FAM83C: variants seen among roughly 807,000 people sequenced by gnomAD.
FAM83C encodes the protein protein FAM83C.
Under a neutral mutation model 27.1 loss-of-function variants are expected in FAM83C, and 23 were observed. That is an observed-to-expected ratio of 0.85 (90% CI 0.61 to 1.20). FAM83C has a LOEUF of 1.20. FAM83C is among the 50% of genes most tolerant of loss of function. The pLI, the probability that FAM83C is intolerant of heterozygous loss-of-function variation, is 0.00. For missense variants in FAM83C, 984 were observed against 1,001.3 expected (o/e 0.98, Z 0.23); for synonymous variants, 426 against 423.1 (o/e 1.01, Z -0.09).
chr20:35,287,822 G>A lies in FAM83C; in HGVS notation c.957C>T (p.Pro319=), dbSNP rs147744239. ...CCACAGGGGGAGGACGCAGTGCCCG[G>A]GGAGACAGCGGGTCCTCACCGCCAC... ...GFCGGEDPLS[P]RALRPPPVAL... Residue 319 remains proline, a synonymous_variant, in exon 4 of 4, where the codon CCC becomes CCT. Transcript: ENST00000374408. The A allele has an allele frequency of 3.6e-5, 57 of 1,576,984 alleles. No individual in the cohort carries two copies. In the African/African-American group the frequency reaches 7.1e-4, roughly 20 times the overall value.
chr20:35,286,357 G>C lies in FAM83C; in HGVS notation c.*178C>G. 1 of 458,224 alleles carries C rather than the reference G, an allele frequency of 2.2e-6. No individual in the cohort carries two copies. 28.4% of individuals were successfully genotyped at this position (458,224 alleles called of 1,614,324 possible). A position where few individuals can be genotyped will look rare whatever the true frequency, so the allele number is the denominator to read the frequency against. On this transcript the variant is annotated 3_prime_UTR_variant, in exon 4 of 4. Coordinates refer to ENST00000374408, the MANE Select transcript of FAM83C (RefSeq NM_178468.6). ...GATTCAAGAAGATACTAGTTAGGGT[G>C]TGTGTGTGTGTGTGTGTGTGTGTGT...
rs371052358 is a variant in FAM83C at position 35,286,522 on chromosome 20, G to C, written c.*13C>G. Reference sequence around the variant, plus strand: ...CTGCCCTTGCCAGTGCACCCCCGATGCCAGTCCTTTGGCTAGGACTCAAAG... The same window carrying C: ...CTGCCCTTGCCAGTGCACCCCCGATCCCAGTCCTTTGGCTAGGACTCAAAG... On this transcript the variant is annotated 3_prime_UTR_variant, in exon 4 of 4. Transcript: ENST00000374408. 6.3e-6 allele frequency: 10 copies of C among 1,592,488 alleles called. No individual in the cohort carries two copies. In the African/African-American group the frequency reaches 1.3e-4, roughly 21 times the overall value.
In FAM83C at chr20:35,287,475, C is replaced by A; in HGVS notation, c.1304G>T (p.Ser435Ile). ...TGACCCCACTGCCAAGGTTAAGGGG[C>A]TGGTACTATTATGGTTGAGGGCAGG... ...SSPALNHNST[S>I]PLTLAVGSPL... Residue 435 changes from serine to isoleucine, a missense_variant, in exon 4 of 4, where the codon AGC (serine) becomes ATC (isoleucine). Physicochemically the swap from Ser to Ile is moderately radical, Grantham distance 142 (BLOSUM62 -2). Transcript: ENST00000374408. The A allele has an allele frequency of 6.2e-7, 1 of 1,614,200 alleles. No homozygotes were observed. Among genetic ancestry groups the A allele is most frequent in the Non-Finnish European group, 8.5e-7 (1 of 1,180,016 alleles).
rs779420564 is a variant in FAM83C at position 35,287,768 on chromosome 20, G to T, written c.1011C>A (p.Ser337Arg). 2.5e-6 allele frequency: 4 copies of T among 1,612,394 alleles called. No homozygotes were observed. In the East Asian group the frequency reaches 6.7e-5, roughly 27 times the overall value. The change falls in exon 4 of 4, where the codon AGC becomes AGA. Residue 337 changes from serine (S) to arginine (R), a missense_variant. Transcript: ENST00000374408. ...TGCTGGAGGGCAGGGACGACGTGGG[G>T]CTTGGGACATCAGGCCTGAAGGCTA... ...VALAFRPDVP[S>R]PTSSLPSSTS...
Position 35,291,819 on chromosome 20 carries a change from C to A in FAM83C, c.486G>T (p.Leu162=), listed in dbSNP as rs1600833767. ...TGTGGGCCTGGCTGAAAAGGAAGCGCAGCAGGTCCTTGATGTTCTTGGCCT... is the reference window on the plus strand; with the variant it reads ...TGTGGGCCTGGCTGAAAAGGAAGCGAAGCAGGTCCTTGATGTTCTTGGCCT... ...RDKAKNIKDL[L]RFLFSQAHTV... is the part of the protein sequence containing the mutation. Residue 162 remains leucine (L), a synonymous_variant, in exon 1 of 4, where the codon CTG becomes CTT. Transcript: ENST00000374408. The A allele has an allele frequency of 6.2e-7, 1 of 1,614,036 alleles. No homozygotes were observed. The highest frequency in any genetic ancestry group is 1.7e-5 in the Admixed American group (1 of 60,002).
chr20:35,291,843 C>T lies in FAM83C; in HGVS notation c.462G>A (p.Lys154=). 6.2e-7 allele frequency: 1 copy of T among 1,614,200 alleles called. No homozygotes were observed. Among genetic ancestry groups the T allele is most frequent in the South Asian group, 1.1e-5 (1 of 91,082 alleles). The change falls in exon 1 of 4, where the codon AAG becomes AAA. Residue 154 remains lysine (K), a synonymous_variant. Coordinates refer to ENST00000374408, the MANE Select transcript of FAM83C (RefSeq NM_178468.6). ...TQAVVHFQRD[K]AKNIKDLLRF... ...GCAGCAGGTCCTTGATGTTCTTGGC[C>T]TTGTCCCTCTGGAAGTGGACCACAG...
In FAM83C at chr20:35,286,829, C is replaced by T. The variant is rs2060827954; in HGVS notation, c.1950G>A (p.Gly650=). Residue 650 remains glycine, a synonymous_variant, in exon 4 of 4, where the codon GGG becomes GGA. Transcript: ENST00000374408. ...GGCTTGATATCGGGAGACCATTGGGCCCAGGCCCCTCACCACGGAATGGGC... is the reference window on the plus strand; with the variant it reads ...GGCTTGATATCGGGAGACCATTGGGTCCAGGCCCCTCACCACGGAATGGGC... The part of the protein sequence containing the change: ...KFGPFRGEGP[G]PNGLPISSPA... 6.2e-7 allele frequency: 1 copy of T among 1,613,720 alleles called. No homozygotes were observed. The highest frequency in any genetic ancestry group is 8.5e-7 in the Non-Finnish European group (1 of 1,179,940).
Position 35,291,996 on chromosome 20 carries a change from G to C in FAM83C, c.309C>G (p.Asp103Glu). 2 of 1,613,522 alleles carry C rather than the reference G, an allele frequency of 1.2e-6. No homozygotes were observed. The highest frequency in any genetic ancestry group is 1.7e-6 in the Non-Finnish European group (2 of 1,179,736). The part of the protein sequence containing the change: ...EAQGQEASGP[D>E]RLSLLSEVTS... ...TGACTTCAGAGAGCAGGCTGAGGCG[G>C]TCTGGCCCGGAGGCCTCCTGCCCCT... Residue 103 changes from aspartate (D) to glutamate (E), a missense_variant, in exon 1 of 4, where the codon GAC becomes GAG. Physicochemically the swap from Asp to Glu is conservative, Grantham distance 45. Transcript: ENST00000374408.
Position 35,286,975 on chromosome 20 carries a change from TG to T in FAM83C, c.1803del (p.Lys602ArgfsTer72). On this transcript the variant is annotated frameshift_variant, in exon 4 of 4. Transcript: ENST00000374408. LOFTEE classifies it high-confidence loss of function. Reference protein sequence around the residue: ...RGQSDLLMQYPKAQGSRVPLE... With the variant: ...RGQSDLLMQYXKAQGSRVPLE... The stretch of plus-strand genomic sequence containing the variant: ...AGGGGCACTCTGGAACCCTGGGCCT[TG>T]GGGTACTGCATCAGGAGGTCTGATT... The T allele has an allele frequency of 1.2e-6, 2 of 1,612,766 alleles. No homozygotes were observed. The highest frequency in any genetic ancestry group is 8.5e-7 in the Non-Finnish European group (1 of 1,180,038).
Position 35,286,168 on chromosome 20 carries a change from T to C in FAM83C, c.*367A>G. The stretch of plus-strand genomic sequence containing the variant: ...GACTACTCCACCTTCTCCAGGACTC[T>C]CTGCCCTTTGTTTTCTAACACCCTC... On this transcript the variant is annotated 3_prime_UTR_variant, in exon 4 of 4. Transcript: ENST00000374408. 5.1e-6 allele frequency: 1 copy of C among 196,364 alleles called. No homozygotes were observed. The allele number at this position is 196,364 out of a possible 1,614,324, so 12.2% of individuals were successfully genotyped here.
At chr20:35,291,333 G>C (rs1212836719) in intron 1 of FAM83C, among the ~76,000 whole-genome samples, 2 of 152,204 alleles carry the variant, frequency 1.3e-5, no homozygotes, top group Non-Finnish European at 2.9e-5. Context: ...TCACCATATG[G>C]ACCTCCCTGG....
At chr20:35,289,631 C>T (rs957181952) in intron 1 of FAM83C, among the ~76,000 whole-genome samples, 1 of 151,918 alleles carries the variant, frequency 6.6e-6, no homozygotes, top group Non-Finnish European at 1.5e-5. Flanking sequence ...GCCACCACGC[C>T]CAGTCGCTAG....
Position 35,286,385 on chromosome 20 carries a change from G to GTGTGTGTGTGTGTGTGTGTGTGTA in FAM83C, c.*149_*150insTACACACACACACACACACACACA, listed in dbSNP as rs112597282. Reference sequence around the variant, plus strand: ...TGTGTGTGTGTGTGTGTGTGTGTGTGTACACAAGAATCTTGAGCCCAGAGA... The same window carrying GTGTGTGTGTGTGTGTGTGTGTGTA: ...TGTGTGTGTGTGTGTGTGTGTGTGTGTGTGTGTGTGTGTGTGTGTGTGTATACACAAGAATCTTGAGCCCAGAGA... On this transcript the variant is annotated 3_prime_UTR_variant, in exon 4 of 4. Coordinates refer to ENST00000374408, the MANE Select transcript of FAM83C (RefSeq NM_178468.6). 8 of 556,896 alleles carry GTGTGTGTGTGTGTGTGTGTGTGTA rather than the reference G, an allele frequency of 1.4e-5. No individual in the cohort carries two copies. The African/African-American group carries it at 1.6e-4, about 11-fold the overall frequency. The allele number at this position is 556,896 out of a possible 1,614,324, so 34.5% of individuals were successfully genotyped here. A position where few individuals can be genotyped will look rare whatever the true frequency, so the allele number is the denominator to read the frequency against.
chr20:35,292,331 C>T lies in FAM83C; in HGVS notation c.-27G>A, dbSNP rs1289951166. Reference sequence around the variant, plus strand: ...CCTGCCACGCGGCTGCCTCACCCGCCGGCAGGGCCCATGGCCCGCACGCTG... The same window carrying T: ...CCTGCCACGCGGCTGCCTCACCCGCTGGCAGGGCCCATGGCCCGCACGCTG... On this transcript the variant is annotated 5_prime_UTR_variant, in exon 1 of 4. Transcript: ENST00000374408. 4 of 1,460,838 alleles carry T rather than the reference C, an allele frequency of 2.7e-6. No individual in the cohort carries two copies. The highest frequency in any genetic ancestry group is 2.5e-5 in the East Asian group (1 of 40,152). 90.5% of individuals were successfully genotyped at this position (1,460,838 alleles called of 1,614,324 possible). A position where few individuals can be genotyped will look rare whatever the true frequency, so the allele number is the denominator to read the frequency against.
chr20:35,291,793 G>T lies in FAM83C; in HGVS notation c.512C>A (p.Thr171Lys). 6.2e-7 allele frequency: 1 copy of T among 1,613,966 alleles called. No homozygotes were observed. The highest frequency in any genetic ancestry group is 1.1e-5 in the South Asian group (1 of 91,080). Reference sequence around the variant, plus strand: ...GTGATGGAGAGATGAGGCCCTTACCGTGTGGGCCTGGCTGAAAAGGAAGCG... The same window carrying T: ...GTGATGGAGAGATGAGGCCCTTACCTTGTGGGCCTGGCTGAAAAGGAAGCG... ...LLRFLFSQAH[T>K]VVAVVMDIFT... Residue 171 changes from threonine (T) to lysine (K), a missense_variant and splice_region_variant, in exon 1 of 4, where the codon ACG becomes AAG. Transcript: ENST00000374408.
At chr20:35,289,443 C>T (rs555842136) in intron 1 of FAM83C, among the ~76,000 whole-genome samples, 6 of 151,712 alleles carry the variant, frequency 4.0e-5, no homozygotes, top group Middle Eastern at 3.4e-3. Context: ...TGGGTTCAAG[C>T]GATTCTCGTG....
At chr20:35,288,732 C>A (rs2060837787) in intron 2 of FAM83C, 59 bp downstream of exon 2, 3 of 1,554,690 alleles carry the variant, frequency 1.9e-6, no homozygotes, top group Middle Eastern at 3.5e-4. Flanking sequence ...CCACTGGCTC[C>A]CCTGCCCTCC....
Position 35,287,089 on chromosome 20 carries a change from T to G in FAM83C, c.1690A>C (p.Thr564Pro), listed in dbSNP as rs201723133. Residue 564 changes from threonine (T) to proline (P), a missense_variant, in exon 4 of 4, where the codon ACT becomes CCT. Thr to Pro is a conservative substitution (Grantham distance 38). Transcript: ENST00000374408. ...QLDLLSRALG[T>P]GGAPELGSLR... ...GAACCCAACTCAGGGGCACCCCCAG[T>G]ACCCAGGGCTCGGGACAGGAGATCC... The G allele has an allele frequency of 2.5e-5, 40 of 1,604,964 alleles. No homozygotes were observed. In the East Asian group the frequency reaches 8.5e-4, roughly 34 times the overall value.
Position 35,288,896 on chromosome 20 carries a change from G to A in FAM83C, c.576C>T (p.Ala192=). ...ACACAGGGACACCACGCCGGCTTGAGGCCTCCATGAGGTCACACAGAAGCT... is the reference window on the plus strand; with the variant it reads ...ACACAGGGACACCACGCCGGCTTGAAGCCTCCATGAGGTCACACAGAAGCT... ...DMELLCDLME[A]SSRRGVPVYL... Residue 192 remains alanine (A), a synonymous_variant, in exon 2 of 4, where the codon GCC becomes GCT. Coordinates refer to ENST00000374408, the MANE Select transcript of FAM83C (RefSeq NM_178468.6). 1 of 1,614,116 alleles carries A rather than the reference G, an allele frequency of 6.2e-7. No individual in the cohort carries two copies. Among genetic ancestry groups the A allele is most frequent in the Non-Finnish European group, 8.5e-7 (1 of 1,180,028 alleles).
Sources: gnomAD v4.1 joint callset for allele counts (sites outside exome capture counted in the v4.1 genomes callset) on GRCh38, gnomAD v4.1.1 for gene constraint, MANE v1.5 for transcripts, NCBI Gene and HGNC (gene_info 2026-07-23, HGNC 2026-07-21) for gene names.